The following MACROD2 variants were observed in gnomAD, a reference collection of about 807,000 sequenced individuals.
MACROD2 encodes the protein ADP-ribose glycohydrolase MACROD2.
In MACROD2, 36 loss-of-function variants were observed where a neutral mutation model predicts 70.4. The observed-to-expected ratio is 0.51, with a 90% CI of 0.39 to 0.68. The LOEUF is 0.68. Among genes scored for constraint, MACROD2 ranks in the 30% least tolerant of loss-of-function variants. The pLI is 0.00. For missense variants in MACROD2, 496 were observed against 538.4 expected (o/e 0.92, Z 0.78); for synonymous variants, 172 against 178.8 (o/e 0.96, Z 0.30).
intron 5 of MACROD2, among the ~76,000 whole-genome samples, chr20:15,151,634 C>G (rs1315126582): frequency 6.6e-6 from 1 of 151,932 alleles, no homozygotes; most frequent in Non-Finnish European, 1.5e-5. Context: ...GAGTTGCTGC[C>G]AAATGAGCCA....
intron 15 of MACROD2, among the ~76,000 whole-genome samples, chr20:15,995,387 T>G (rs2066613770): frequency 6.6e-6 from 1 of 151,568 alleles, no homozygotes; most frequent in Non-Finnish European, 1.5e-5. Context: ...TCTCGCTCTG[T>G]CACCCAGGCT....
At chr20:15,858,335 T>C (rs767107185) in intron 8 of MACROD2, among the ~76,000 whole-genome samples, 25 of 152,164 alleles carry the variant, frequency 1.6e-4, no homozygotes, top group African/African-American at 3.1e-4. Flanking sequence ...GGCATTCTTA[T>C]AGGTTCTCAT....
intron 5 of MACROD2, among the ~76,000 whole-genome samples, chr20:14,725,711 C>T (rs1418625039): frequency 2.0e-5 from 3 of 152,042 alleles, no homozygotes; most frequent in Admixed American, 6.6e-5. Flanking sequence ...TGCTGGTGAC[C>T]GCTGGGAAAC....
intron 6 of MACROD2, among the ~76,000 whole-genome samples, chr20:15,364,482 TG>T (rs1243270564): frequency 6.6e-6 from 1 of 152,216 alleles, no homozygotes; most frequent in African/African-American, 2.4e-5. Flanking sequence ...AAGCACCTAG[TG>T]TTGGAGAAAT....
intron 5 of MACROD2, among the ~76,000 whole-genome samples, chr20:15,001,945 C>CCACACA (rs111994400): frequency 1.2e-4 from 18 of 146,086 alleles, no homozygotes; most frequent in Admixed American, 2.1e-4. Flanking sequence ...GTGTGCATGC[C>CCACACA]CACACACACA....
chr20:14,409,763 T>C (rs761664660), intron 3 of MACROD2, among the ~76,000 whole-genome samples: 1 of 152,134 alleles, frequency 6.6e-6, no homozygotes, highest in Non-Finnish European at 1.5e-5. Context: ...CTTAGTGTCC[T>C]TAATTGCTGC....
intron 5 of MACROD2, among the ~76,000 whole-genome samples, chr20:15,171,795 A>G (rs1317570193): frequency 1.3e-5 from 2 of 152,144 alleles, no homozygotes; most frequent in Non-Finnish European, 2.9e-5. Flanking sequence ...TGACATTCCC[A>G]CAACTTAAAT....
intron 10 of MACROD2, chr20:15,893,719 C>T: frequency 2.2e-6 from 1 of 456,678 alleles, no homozygotes; most frequent in Non-Finnish European, 4.4e-6. Context: ...TTAAAGGGAG[C>T]ATATTTACGC....
chr20:14,710,483 C>T (rs1194065559), intron 5 of MACROD2, among the ~76,000 whole-genome samples: 5 of 152,272 alleles, frequency 3.3e-5, no homozygotes, highest in African/African-American at 4.8e-5. Flanking sequence ...TGTGGAAAGA[C>T]GATGAGCATG....
chr20:15,992,129 A>G (rs2066567018), intron 15 of MACROD2, among the ~76,000 whole-genome samples: 2 of 152,188 alleles, frequency 1.3e-5, no homozygotes, highest in South Asian at 2.1e-4. Flanking sequence ...GTTGGTGTGG[A>G]TAGCATATAT....
intron 8 of MACROD2, among the ~76,000 whole-genome samples, chr20:15,826,885 T>G (rs2064002969): frequency 6.6e-6 from 1 of 152,192 alleles, no homozygotes; most frequent in Non-Finnish European, 1.5e-5. Context: ...GGCTGACATA[T>G]GAACTTTAGC....
At chr20:14,923,723 C>G (rs1041291868) in intron 5 of MACROD2, among the ~76,000 whole-genome samples, 2 of 149,552 alleles carry the variant, frequency 1.3e-5, no homozygotes, top group Non-Finnish European at 3.0e-5. Context: ...GGTGACGGCA[C>G]GGGCCTCCAG....
At chr20:15,300,355 C>T (rs1282364681) in intron 6 of MACROD2, among the ~76,000 whole-genome samples, 1 of 152,102 alleles carries the variant, frequency 6.6e-6, no homozygotes, top group East Asian at 1.9e-4. Flanking sequence ...TATCTCACTG[C>T]CAGAGAGGGA....
At chr20:14,667,104 A>G (rs1367817766) in intron 4 of MACROD2, among the ~76,000 whole-genome samples, 1 of 152,090 alleles carries the variant, frequency 6.6e-6, no homozygotes, top group Non-Finnish European at 1.5e-5. Flanking sequence ...TTACCTGCTC[A>G]AAGTAAAGCA....
chr20:15,674,067 A>C (rs6074938), intron 8 of MACROD2, among the ~76,000 whole-genome samples: 1 of 152,068 alleles, frequency 6.6e-6, no homozygotes, highest in Non-Finnish European at 1.5e-5. Context: ...GTGAACCTAT[A>C]GATCTGATTT....
chr20:15,870,430 A>G (rs1331208331), intron 9 of MACROD2, among the ~76,000 whole-genome samples: 2 of 152,140 alleles, frequency 1.3e-5, no homozygotes, highest in Non-Finnish European at 2.9e-5. Flanking sequence ...TGAAACTGCT[A>G]CAGTTGGAAT....
chr20:14,928,672 TG>T (rs1426267997), intron 5 of MACROD2, among the ~76,000 whole-genome samples: 1 of 152,186 alleles, frequency 6.6e-6, no homozygotes, highest in African/African-American at 2.4e-5. Flanking sequence ...GTATGAAGCA[TG>T]CACATGATGC....
chr20:14,296,952 C>A lies in MACROD2; in HGVS notation c.272-196527C>A, dbSNP rs557619136. On this transcript the variant is annotated intron_variant, in intron 3 of 17. Transcript: ENST00000684519. ...GCCATTTTCTGAACAGTATGTCTTT[C>A]CTTGTGTCTTTCTGTCACATTTTGG... is the stretch of plus-strand genomic sequence containing the variant. Among the ~76,000 whole-genome samples the A allele has an allele frequency of 5.9e-5, 9 of 152,010 alleles. No individual in the cohort carries two copies. In the East Asian group the frequency reaches 1.7e-3, roughly 29 times the overall value.
chr20:15,114,562 C>A (rs1195668807), intron 5 of MACROD2, among the ~76,000 whole-genome samples: 1 of 152,060 alleles, frequency 6.6e-6, no homozygotes, highest in Non-Finnish European at 1.5e-5. Flanking sequence ...AAGAGAACTC[C>A]AAGCTCCAAA....
Sources: allele counts gnomAD v4.1 joint callset (sites outside exome capture counted in the v4.1 genomes callset), GRCh38; gene constraint gnomAD v4.1.1; transcripts MANE v1.5; gene names NCBI Gene and HGNC (gene_info 2026-07-23, HGNC 2026-07-21).